The following PRKDC variants were observed in gnomAD, a reference collection of about 807,000 sequenced individuals.
The protein encoded by PRKDC is DNA-dependent protein kinase catalytic subunit.
Under a neutral mutation model 486.9 loss-of-function variants are expected in PRKDC, and 82 were observed. The ratio of observed to expected loss-of-function variants is 0.17; its 90% CI spans 0.14 to 0.20. The LOEUF is 0.20. Among genes scored for constraint, PRKDC ranks in the 10% least tolerant of loss-of-function variants. The probability of loss-of-function intolerance (pLI) is 1.00; values close to 1 mark genes in which losing one functional copy is unlikely to be tolerated. For synonymous variants in PRKDC, 1,895 were observed against 1,837.0 expected (o/e 1.03, Z -0.81); for missense variants, 4,504 against 5,038.2 (o/e 0.89, Z 3.21).
intron 21 of PRKDC, among the ~76,000 whole-genome samples, chr8:47,924,792 C>T (rs958555690): frequency 1.1e-4 from 17 of 152,040 alleles, no homozygotes; most frequent in African/African-American, 2.9e-4. Flanking sequence ...CAGAGGGAGA[C>T]GGAGGACCAT....
chr8:47,951,787 C>T (rs762677081), intron 7 of PRKDC, among the ~76,000 whole-genome samples: 1 of 152,016 alleles, frequency 6.6e-6, no homozygotes, highest in Non-Finnish European at 1.5e-5. Flanking sequence ...AACCAATTAA[C>T]CTAAAAAATG....
chr8:47,822,804 A>C (rs1322042011), intron 64 of PRKDC, among the ~76,000 whole-genome samples: 1 of 151,986 alleles, frequency 6.6e-6, no homozygotes, highest in Non-Finnish European at 1.5e-5. Flanking sequence ...ACAAACAAAC[A>C]AAACCTGGAC....
Position 47,774,034 on chromosome 8 carries a change from A to T in PRKDC, c.*139T>A. The T allele has an allele frequency of 1.2e-6, 1 of 830,952 alleles. No homozygotes were observed. The highest frequency in any genetic ancestry group is 2.9e-5 in the Admixed American group (1 of 34,296). The allele number at this position is 830,952 out of a possible 1,614,324, so 51.5% of individuals were successfully genotyped here. A position where few individuals can be genotyped will look rare whatever the true frequency, so the allele number is the denominator to read the frequency against. ...TTTACTCATCATAATCTTGATTTAA[A>T]CTCATGCTACGAAACTGTAGCACAA... On this transcript the variant is annotated 3_prime_UTR_variant, in exon 86 of 86. Transcript: ENST00000314191.
chr8:47,795,304 T>C lies in PRKDC; in HGVS notation c.10459-803A>G, dbSNP rs539371736. On this transcript the variant is annotated intron_variant, in intron 73 of 85. Coordinates refer to ENST00000314191, the MANE Select transcript of PRKDC (RefSeq NM_006904.7). ...TCCCAGGTTTACGCCATTCTCCTAC[T>C]TCAGCCTCCCGAGTAGCTGGGACTA... Among the ~76,000 whole-genome samples, 1,060 of 148,826 alleles carry C rather than the reference T, an allele frequency of 7.1e-3. 8 individuals carry two copies. Among genetic ancestry groups the C allele is most frequent in the South Asian group, 0.025 (117 of 4,624 alleles).
intron 54 of PRKDC, among the ~76,000 whole-genome samples, chr8:47,846,472 C>T (rs916651915): frequency 1.3e-5 from 2 of 151,460 alleles, no homozygotes; most frequent in African/African-American, 4.8e-5. Flanking sequence ...GATAAAAACC[C>T]TCAACAAACC....
chr8:47,830,126 G>GA (rs2087829837), intron 61 of PRKDC, among the ~76,000 whole-genome samples: 2 of 152,170 alleles, frequency 1.3e-5, no homozygotes, highest in African/African-American at 4.8e-5. Context: ...TGTGGTTTAG[G>GA]AAAAAAGAAA....
chr8:47,883,022 T>G (rs1443155516), intron 36 of PRKDC, among the ~76,000 whole-genome samples: 1 of 152,208 alleles, frequency 6.6e-6, no homozygotes, highest in Non-Finnish European at 1.5e-5. Context: ...CACGCCTCTG[T>G]GCGGGGCCGA....
chr8:47,906,566 G>A (rs2089785914), intron 25 of PRKDC, among the ~76,000 whole-genome samples: 1 of 150,914 alleles, frequency 6.6e-6, no homozygotes, highest in African/African-American at 2.4e-5. Flanking sequence ...CTGGGAGGTG[G>A]AGGTTGCAGT....
chr8:47,905,812 C>T (rs1033257096), intron 25 of PRKDC, among the ~76,000 whole-genome samples: 2 of 152,104 alleles, frequency 1.3e-5, no homozygotes, highest in African/African-American at 2.4e-5. Context: ...TCTCCAGGGG[C>T]CAGGTAGCCC....
At position 47,954,417 on chromosome 8, in the gene PRKDC, G is replaced by T. The variant is rs1377565398; in HGVS notation, c.429C>A (p.Leu143=). 3 of 1,369,384 alleles carry T rather than the reference G, an allele frequency of 2.2e-6. No homozygotes were observed. Among genetic ancestry groups the T allele is most frequent in the Non-Finnish European group, 9.9e-7 (1 of 1,011,308 alleles). 84.8% of individuals were successfully genotyped at this position (1,369,384 alleles called of 1,614,324 possible). A position where few individuals can be genotyped will look rare whatever the true frequency, so the allele number is the denominator to read the frequency against. Residue 143 remains leucine (L), a synonymous_variant, in exon 5 of 86, where the codon CTC becomes CTA. Transcript: ENST00000314191. ...ATTCTCCAATTTTAAATTCATCCAT[G>T]AGTCTAGAACTTCTAAAAGTCTGAA... The part of the protein sequence containing the change: ...KLLQTFRSSR[L]MDEFKIGELF...
At chr8:47,825,548 A>G (rs2087720440) in intron 63 of PRKDC, among the ~76,000 whole-genome samples, 1 of 150,644 alleles carries the variant, frequency 6.6e-6, no homozygotes, top group African/African-American at 2.5e-5. Context: ...AACTATGTTC[A>G]CAATGCTCTG....
At chr8:47,832,023 C>G (rs1487755704) in intron 59 of PRKDC, 97 bp from the exon 60 acceptor site, 2 of 1,098,724 alleles carry the variant, frequency 1.8e-6, no homozygotes, top group East Asian at 2.4e-5. Context: ...ACAAAACCTA[C>G]AGGTGCCGCA....
Position 47,881,043 on chromosome 8 carries a change from TAA to T in PRKDC, c.5067+371_5067+372del, listed in dbSNP as rs57817228. 2.2e-4 allele frequency among the ~76,000 whole-genome samples: 20 copies of T among 90,486 alleles called. No homozygotes were observed. The South Asian group carries it at 2.3e-3, about 10-fold the overall frequency. 59.4% of individuals were successfully genotyped at this position (90,486 alleles called of 152,430 possible). On this transcript the variant is annotated intron_variant, in intron 38 of 85. Transcript: ENST00000314191. ...GCCTGGGTGACAGAGCGAGACTGTC[TAA>T]AAAAAAAAAAAAAAAAGAAAGCAAG...
chr8:47,926,998 T>G (rs2090167359), intron 21 of PRKDC, 196 bp downstream of exon 21: 1 of 590,220 alleles, frequency 1.7e-6, no homozygotes, highest in South Asian at 2.7e-5. Context: ...AATGAAAAAT[T>G]TTTTAATACC....
At chr8:47,794,721 C>T (rs994773286) in intron 73 of PRKDC, among the ~76,000 whole-genome samples, 4 of 152,204 alleles carry the variant, frequency 2.6e-5, no homozygotes, top group African/African-American at 7.2e-5. Context: ...TGGAATCACA[C>T]GAGACAGCTG....
intron 30 of PRKDC, among the ~76,000 whole-genome samples, chr8:47,895,710 T>TAAA (rs894086160): frequency 6.8e-6 from 1 of 148,038 alleles, no homozygotes; most frequent in Non-Finnish European, 1.5e-5. Context: ...ACTTAACATA[T>TAAA]AAAAAAAAAA....
intron 18 of PRKDC, 120 bp downstream of exon 18, chr8:47,929,733 T>G: frequency 1.8e-6 from 2 of 1,132,034 alleles, no homozygotes; most frequent in South Asian, 2.0e-5. Context: ...TTTAAACACA[T>G]AGAATAAAAT....
intron 11 of PRKDC, 111 bp downstream of exon 11, chr8:47,939,440 G>C: frequency 1.6e-6 from 2 of 1,226,500 alleles, no homozygotes; most frequent in Non-Finnish European, 2.3e-6. Context: ...GTTATTCAAG[G>C]GTCTACTGTA....
chr8:47,778,750 T>C lies in PRKDC; in HGVS notation c.11629A>G (p.Lys3877Glu). The change falls in exon 82 of 86, where the codon AAA becomes GAA. Residue 3877 changes from lysine (K) to glutamate (E), a missense_variant. By Grantham distance (56) the Lys-to-Glu change is moderately conservative. This residue lies in a region of PRKDC where 706 missense variants were observed against 945.0 expected (regional missense o/e 0.75). Transcript: ENST00000314191. The part of the protein sequence containing the change: ...TVTSFRKRES[K>E]VPADLLKRAF... Reference sequence around the variant, plus strand: ...TACTTTAAGAGATCAGCAGGCACTTTACTTTCTCGTTTTCTAAAAGACGTG... The same window carrying C: ...TACTTTAAGAGATCAGCAGGCACTTCACTTTCTCGTTTTCTAAAAGACGTG... 1.2e-6 allele frequency: 2 copies of C among 1,613,892 alleles called. No homozygotes were observed. Among genetic ancestry groups the C allele is most frequent in the Non-Finnish European group, 1.7e-6 (2 of 1,179,828 alleles).
Sources: allele counts gnomAD v4.1 joint callset (sites outside exome capture counted in the v4.1 genomes callset), GRCh38; gene constraint gnomAD v4.1.1; regional missense constraint gnomAD v4.1.1; transcripts MANE v1.5; gene names NCBI Gene and HGNC (gene_info 2026-07-23, HGNC 2026-07-21).